Variants in UVRAG observed in about 807,000 individuals in gnomAD.
UVRAG encodes the protein UV radiation resistance associated.
Under a neutral mutation model 78.0 loss-of-function variants are expected in UVRAG, and 19 were observed. The ratio of observed to expected loss-of-function variants is 0.24; its 90% confidence interval spans 0.17 to 0.36. The LOEUF (loss-of-function observed/expected upper bound fraction) is 0.36, where lower values mean the gene tolerates loss of function less well. Ranked by LOEUF, UVRAG falls within the 10% of genes least tolerant of loss-of-function variation. UVRAG has a pLI of 1.00. For synonymous variants in UVRAG, 323 were observed against 324.6 expected (o/e 1.00, Z 0.05); for missense variants, 740 against 853.8 (o/e 0.87, Z 1.66).
At chr11:75,968,575 G>A (rs1318722665) in intron 7 of UVRAG, among the ~76,000 whole-genome samples, 2 of 152,146 alleles carry the variant, frequency 1.3e-5, no homozygotes, top group African/African-American at 2.4e-5. Context: ...CTATACATAT[G>A]CCTTCCCATA....
intron 3 of UVRAG, among the ~76,000 whole-genome samples, chr11:75,862,143 A>C (rs563095611): frequency 6.6e-6 from 1 of 152,352 alleles, no homozygotes; most frequent in East Asian, 1.9e-4. Context: ...TTCTGTTAAG[A>C]ACTTTAAATG....
At chr11:75,817,068 T>C (rs1409205753) in intron 1 of UVRAG, among the ~76,000 whole-genome samples, 1 of 151,988 alleles carries the variant, frequency 6.6e-6, no homozygotes, top group Non-Finnish European at 1.5e-5. Flanking sequence ...GGGGTTTGGA[T>C]TGTGTTGTGA....
rs76029152 is a variant in UVRAG, at chr11:76,135,738, T to C, written c.1398-4973T>C. Among the ~76,000 whole-genome samples, 128 of 152,302 alleles carry C rather than the reference T, an allele frequency of 8.4e-4. 3 individuals carry two copies. In the East Asian group the frequency reaches 0.024, roughly 28 times the overall value. On this transcript the variant is annotated intron_variant, in intron 14 of 14. Transcript: ENST00000356136. ...GGAAATGGCTGGTGAGGAGAATGTG[T>C]GCAGTGAACTGGTAGACTCGGTCCA...
At chr11:75,968,130 C>T (rs1369813733) in intron 7 of UVRAG, among the ~76,000 whole-genome samples, 1 of 152,156 alleles carries the variant, frequency 6.6e-6, no homozygotes, top group Non-Finnish European at 1.5e-5. Flanking sequence ...TTTTGGACTT[C>T]AGATTTTAGG....
intron 14 of UVRAG, among the ~76,000 whole-genome samples, chr11:76,139,370 T>A (rs1489749569): frequency 6.6e-6 from 1 of 152,204 alleles, no homozygotes; most frequent in Non-Finnish European, 1.5e-5. Flanking sequence ...TAATGAGGGA[T>A]GTCTTTCTCC....
chr11:76,066,943 G>A, intron 13 of UVRAG, among the ~76,000 whole-genome samples: 1 of 152,116 alleles, frequency 6.6e-6, no homozygotes, highest in East Asian at 1.9e-4. Flanking sequence ...CGATGCTTTT[G>A]TTTTTGTTGG....
chr11:75,938,146 T>G (rs1429584190), intron 6 of UVRAG, among the ~76,000 whole-genome samples: 5 of 151,904 alleles, frequency 3.3e-5, no homozygotes, highest in Non-Finnish European at 5.9e-5. Flanking sequence ...CTTTTTTTTT[T>G]GCAGTCAGCT....
At chr11:76,069,874 C>A (rs1362734600) in intron 13 of UVRAG, among the ~76,000 whole-genome samples, 1 of 151,976 alleles carries the variant, frequency 6.6e-6, no homozygotes, top group Non-Finnish European at 1.5e-5. Flanking sequence ...ACGACATTCC[C>A]AGATAGAAAA....
At chr11:76,065,211 A>T (rs1951164401) in intron 12 of UVRAG, among the ~76,000 whole-genome samples, 1 of 152,224 alleles carries the variant, frequency 6.6e-6, no homozygotes, top group Non-Finnish European at 1.5e-5. Flanking sequence ...GTGAATGAAT[A>T]TTTTAATGAA....
chr11:75,903,455 C>G (rs1947553010), intron 5 of UVRAG, among the ~76,000 whole-genome samples: 1 of 152,186 alleles, frequency 6.6e-6, no homozygotes, highest in South Asian at 2.1e-4. Context: ...ATTTCCACGT[C>G]ACTGAAGCTA....
chr11:75,922,009 C>T (rs990604038), intron 6 of UVRAG, among the ~76,000 whole-genome samples: 1 of 151,972 alleles, frequency 6.6e-6, no homozygotes, highest in African/African-American at 2.4e-5. Flanking sequence ...CTTTTTGATA[C>T]TATTTTTGGC....
chr11:76,090,305 G>A (rs1334159366), intron 13 of UVRAG, among the ~76,000 whole-genome samples: 4 of 152,170 alleles, frequency 2.6e-5, no homozygotes, highest in Non-Finnish European at 5.9e-5. Context: ...TGAGCATGGT[G>A]TGCAGACTGT....
intron 12 of UVRAG, among the ~76,000 whole-genome samples, chr11:76,058,533 CCA>C (rs1491528180): frequency 1.1e-5 from 1 of 93,242 alleles, no homozygotes; most frequent in African/African-American, 3.7e-5. Context: ...GACCCTATCT[CCA>C]AAAAAAAAAA....
chr11:76,075,071 G>A (rs1451511185), intron 13 of UVRAG, among the ~76,000 whole-genome samples: 1 of 152,140 alleles, frequency 6.6e-6, no homozygotes, highest in Non-Finnish European at 1.5e-5. Context: ...TTAAATTCAT[G>A]TATATTTCTT....
At chr11:76,010,147 G>T (rs1448620605) in intron 11 of UVRAG, among the ~76,000 whole-genome samples, 1 of 152,168 alleles carries the variant, frequency 6.6e-6, no homozygotes, top group Non-Finnish European at 1.5e-5. Context: ...GTATCTTGAA[G>T]CCCATGGCGC....
intron 12 of UVRAG, among the ~76,000 whole-genome samples, chr11:76,049,608 G>T (rs1327269081): frequency 6.6e-6 from 1 of 152,194 alleles, no homozygotes; most frequent in Non-Finnish European, 1.5e-5. Flanking sequence ...AGAATAAAAA[G>T]CAGAGGCTTA....
At chr11:75,815,979 C>A (rs984344486) in intron 1 of UVRAG, among the ~76,000 whole-genome samples, 3 of 152,230 alleles carry the variant, frequency 2.0e-5, no homozygotes, top group Admixed American at 1.3e-4. Flanking sequence ...TTGTACTCTT[C>A]GTGCAAGAGC....
intron 7 of UVRAG, among the ~76,000 whole-genome samples, chr11:75,980,804 C>G (rs1330464862): frequency 6.6e-6 from 1 of 151,582 alleles, no homozygotes; most frequent in African/African-American, 2.4e-5. Context: ...GCCTCAGCCT[C>G]TCAAGTATCT....
chr11:75,886,047 TG>T (rs1228594436), intron 4 of UVRAG, among the ~76,000 whole-genome samples: 3 of 152,160 alleles, frequency 2.0e-5, no homozygotes, highest in Non-Finnish European at 1.5e-5. Context: ...TACTATATGT[TG>T]GATAGAGTAG....
Sources: gnomAD v4.1 joint callset for allele counts (sites outside exome capture counted in the v4.1 genomes callset) on GRCh38, gnomAD v4.1.1 for gene constraint, MANE v1.5 for transcripts, NCBI Gene and HGNC (gene_info 2026-07-23, HGNC 2026-07-21) for gene names.